LMAN1: variants seen among roughly 807,000 people sequenced by gnomAD.
LMAN1 encodes the protein lectin, mannose binding 1.
Under a neutral mutation model 67.8 loss-of-function variants are expected in LMAN1, and 32 were observed. That is an observed-to-expected ratio of 0.47 (90% CI 0.36 to 0.63). LMAN1 has a LOEUF of 0.63. Among genes scored for constraint, LMAN1 ranks in the 30% least tolerant of loss-of-function variants. The pLI is 0.00. For missense variants in LMAN1, 632 were observed against 628.2 expected, an observed-to-expected ratio of 1.01 and a Z score of -0.06; for synonymous variants, 235 against 219.3, an observed-to-expected ratio of 1.07 and a Z score of -0.63.
At chr18:59,332,007 A>G (rs2070750610) in intron 11 of LMAN1, among the ~76,000 whole-genome samples, 2 of 152,060 alleles carry the variant, frequency 1.3e-5, no homozygotes, top group Admixed American at 1.3e-4. Context: ...ATTCTCTACA[A>G]TCTCATATCA....
chr18:59,336,236 G>A (rs1908145123), intron 10 of LMAN1, among the ~76,000 whole-genome samples: 1 of 152,112 alleles, frequency 6.6e-6, no homozygotes, highest in Admixed American at 6.5e-5. Flanking sequence ...CCCAAAGGTT[G>A]GTTTTCAAAT....
rs753814080 is a variant in LMAN1 at position 59,333,160 on chromosome 18, G to GTGATGTCAA, written c.1304_1305insTTGACATCA (p.His435_Phe436insTer). ...GCAGGTGCTCTTTGATGTCAATGAA[G>GTGATGTCAA]TGCTGTGTTGTCTCATAGACGCCTC... On this transcript the variant is annotated stop_gained and inframe_insertion, in exon 11 of 13. Coordinates refer to ENST00000251047, the MANE Select transcript of LMAN1 (RefSeq NM_005570.4). LOFTEE classifies it high-confidence loss of function. 6.2e-7 allele frequency: 1 copy of GTGATGTCAA among 1,613,494 alleles called. No homozygotes were observed. The highest frequency in any genetic ancestry group is 8.5e-7 in the Non-Finnish European group (1 of 1,179,534).
intron 6 of LMAN1, 30 bp downstream of exon 6, chr18:59,349,083 C>G (rs1908483379): frequency 6.2e-7 from 1 of 1,613,502 alleles, no homozygotes; most frequent in African/African-American, 1.3e-5. Context: ...ACCTCACAAA[C>G]TTTTAATATC....
chr18:59,343,676 A>C (rs969155366), intron 8 of LMAN1, among the ~76,000 whole-genome samples: 2 of 152,116 alleles, frequency 1.3e-5, no homozygotes, highest in Non-Finnish European at 2.9e-5. Context: ...ACCTAAACAT[A>C]ACACATGAAA....
chr18:59,351,917 T>C (rs1908551867), intron 5 of LMAN1, among the ~76,000 whole-genome samples: 1 of 152,234 alleles, frequency 6.6e-6, no homozygotes, highest in African/African-American at 2.4e-5. Context: ...CTAAGATCTC[T>C]AAATTAGCTT....
chr18:59,336,557 C>T (rs1421633331), intron 10 of LMAN1, among the ~76,000 whole-genome samples: 2 of 152,198 alleles, frequency 1.3e-5, no homozygotes, highest in East Asian at 3.9e-4. Flanking sequence ...AGCAGAATTC[C>T]AATGAACAAA....
intron 4 of LMAN1, 94 bp from the exon 5 acceptor site, chr18:59,353,395 G>A: frequency 1.1e-6 from 1 of 924,094 alleles, no homozygotes; most frequent in East Asian, 2.4e-5. Context: ...TTATGAAAAA[G>A]TCTTGAGATA....
In LMAN1 at chr18:59,347,493, G is replaced by A; in HGVS notation, c.822+20C>T. 2 of 1,591,130 alleles carry A rather than the reference G, an allele frequency of 1.3e-6. No homozygotes were observed. The highest frequency in any genetic ancestry group is 1.7e-6 in the Non-Finnish European group (2 of 1,162,906). On this transcript the variant is annotated intron_variant, in intron 7 of 12. Coordinates refer to ENST00000251047, the MANE Select transcript of LMAN1 (RefSeq NM_005570.4). ...GGCAAACTAAACTGATAAAGTTTTTGAAAATATGTGTAAAATTACCGGCTC... is the reference window on the plus strand; with the variant it reads ...GGCAAACTAAACTGATAAAGTTTTTAAAAATATGTGTAAAATTACCGGCTC...
chr18:59,333,085 A>G lies in LMAN1; in HGVS notation c.1374+6T>C, dbSNP rs774169499. The G allele has an allele frequency of 6.2e-7, 1 of 1,610,496 alleles. No homozygotes were observed. The highest frequency in any genetic ancestry group is 8.5e-7 in the Non-Finnish European group (1 of 1,176,930). On this transcript the variant is annotated splice_donor_region_variant and intron_variant, in intron 11 of 12. Coordinates refer to ENST00000251047, the MANE Select transcript of LMAN1 (RefSeq NM_005570.4). ...TAATTATAAAAGGAAAAGGAAACAAAGTTACCATATTTCGCTGCACTAAGT... is the reference window on the plus strand; with the variant it reads ...TAATTATAAAAGGAAAAGGAAACAAGGTTACCATATTTCGCTGCACTAAGT...
intron 5 of LMAN1, among the ~76,000 whole-genome samples, chr18:59,350,220 T>C (rs1908510076): frequency 6.6e-6 from 1 of 152,236 alleles, no homozygotes; most frequent in Non-Finnish European, 1.5e-5. Flanking sequence ...TTTTAAAAGA[T>C]CATTTAGCAT....
chr18:59,357,796 T>C (rs1338676987), intron 1 of LMAN1, among the ~76,000 whole-genome samples: 4 of 152,024 alleles, frequency 2.6e-5, no homozygotes, highest in Admixed American at 6.5e-5. Context: ...TAAAGTGATG[T>C]ATAAAAACCT....
chr18:59,354,191 A>G lies in LMAN1; in HGVS notation c.539+328T>C, dbSNP rs534698655. On this transcript the variant is annotated intron_variant, in intron 4 of 12. Coordinates refer to ENST00000251047, the MANE Select transcript of LMAN1 (RefSeq NM_005570.4). ...TAATCAAGGCTCAACTTTATTTTTT[A>G]AAGATCCCTTTTAATGAAGATAAAA... is the stretch of plus-strand genomic sequence containing the variant. 2.6e-5 allele frequency among the ~76,000 whole-genome samples: 4 copies of G among 152,168 alleles called. No homozygotes were observed. The South Asian group carries it at 8.3e-4, about 32-fold the overall frequency.
intron 7 of LMAN1, among the ~76,000 whole-genome samples, chr18:59,347,270 G>C (rs1360632290): frequency 1.4e-5 from 2 of 142,320 alleles, no homozygotes; most frequent in Non-Finnish European, 3.0e-5. Context: ...GCAGAGAGCA[G>C]ATATCGCGCC....
At position 59,329,104 on chromosome 18, in the gene LMAN1, T is replaced by A. The variant is rs1171186130; in HGVS notation, c.*1989A>T. The A allele has an allele frequency of 6.6e-6, 1 of 152,186 alleles. No homozygotes were observed. Among genetic ancestry groups the A allele is most frequent in the Non-Finnish European group, 1.5e-5 (1 of 68,026 alleles). 9.4% of individuals were successfully genotyped at this position (152,186 alleles called of 1,614,324 possible). On this transcript the variant is annotated 3_prime_UTR_variant, in exon 13 of 13. Transcript: ENST00000251047. ...TCAGAAATGAGCTCCTTAAAGTCAA[T>A]GATTTTGAGAAAAACCACACTTCAA...
In LMAN1 at chr18:59,332,926, T is replaced by C. The variant is rs1053193042; in HGVS notation, c.1374+165A>G. ...GAACTGTTCTTCCACCTTCAATAACTAGAAAACCAGGACACATGGAGATCT... is the reference window on the plus strand; with the variant it reads ...GAACTGTTCTTCCACCTTCAATAACCAGAAAACCAGGACACATGGAGATCT... On this transcript the variant is annotated intron_variant, in intron 11 of 12. Coordinates refer to ENST00000251047, the MANE Select transcript of LMAN1 (RefSeq NM_005570.4). Among the ~76,000 whole-genome samples the C allele has an allele frequency of 5.3e-5, 8 of 152,248 alleles. No individual in the cohort carries two copies. The East Asian group carries it at 1.3e-3, about 26-fold the overall frequency.
At chr18:59,334,645 A>G (rs1488783930) in intron 10 of LMAN1, among the ~76,000 whole-genome samples, 1 of 152,316 alleles carries the variant, frequency 6.6e-6, no homozygotes, top group Non-Finnish European at 1.5e-5. Flanking sequence ...CCAGGAGTGA[A>G]TGGTGTATCA....
chr18:59,347,402 A>G lies in LMAN1; in HGVS notation c.822+111T>C, dbSNP rs1603395428. ...GAGGTTCAGTGACTTGCACAAGACC[A>G]TATAGCAGTAACTGGCAGAAACAAG... On this transcript the variant is annotated intron_variant, in intron 7 of 12. Transcript: ENST00000251047. 5 of 699,672 alleles carry G rather than the reference A, an allele frequency of 7.1e-6. No individual in the cohort carries two copies. In the African/African-American group the frequency reaches 7.2e-5, roughly 10 times the overall value. 43.3% of individuals were successfully genotyped at this position (699,672 alleles called of 1,614,324 possible).
chr18:59,357,017 T>C (rs1908674456), intron 1 of LMAN1, among the ~76,000 whole-genome samples: 1 of 152,172 alleles, frequency 6.6e-6, no homozygotes. Context: ...AACTAGATCT[T>C]AAATTTCTCT....
intron 8 of LMAN1, among the ~76,000 whole-genome samples, chr18:59,339,790 A>G (rs913127404): frequency 6.6e-6 from 1 of 152,140 alleles, no homozygotes; most frequent in Non-Finnish European, 1.5e-5. Context: ...ATACTGAGAC[A>G]TGAGTAGACA....
Sources: allele counts gnomAD v4.1 joint callset (sites outside exome capture counted in the v4.1 genomes callset), GRCh38; gene constraint gnomAD v4.1.1; transcripts MANE v1.5; gene names NCBI Gene and HGNC (gene_info 2026-07-23, HGNC 2026-07-21).